LUC7L2: variants seen among roughly 807,000 people sequenced by gnomAD.
LUC7L2 encodes putative RNA-binding protein Luc7-like 2.
LUC7L2 carries 25 observed loss-of-function variants against 52.8 expected under a neutral mutation model. The observed-to-expected ratio is 0.47, with a 90% CI of 0.34 to 0.66. LUC7L2 has a LOEUF of 0.66. Among genes scored for constraint, LUC7L2 ranks in the 30% least tolerant of loss-of-function variants. The probability of loss-of-function intolerance (pLI) is 0.01; values close to 1 mark genes in which losing one functional copy is unlikely to be tolerated. For missense variants in LUC7L2, 328 were observed against 497.8 expected (o/e 0.66, Z 3.25); for synonymous variants, 144 against 160.9 (o/e 0.89, Z 0.80).
At position 139,407,225 on chromosome 7, in the gene LUC7L2, C is replaced by A; in HGVS notation, c.562C>A (p.Arg188=). The change falls in exon 6 of 10, where the codon CGA becomes AGA. Residue 188 remains arginine, a synonymous_variant. Transcript: ENST00000354926. ...TTCCAGTTTTCAGCAGCAGAAACTT[C>A]GAGTCTGTGAAGTCTGCTCTGCCTA... ...PASSFQQQKL[R]VCEVCSAYLG... is the part of the protein sequence containing the mutation. The A allele has an allele frequency of 6.2e-7, 1 of 1,611,962 alleles. No individual in the cohort carries two copies. Among genetic ancestry groups the A allele is most frequent in the Non-Finnish European group, 8.5e-7 (1 of 1,178,768 alleles).
chr7:139,421,521 A>C (rs1471778286), intron 9 of LUC7L2, among the ~76,000 whole-genome samples: 1 of 152,232 alleles, frequency 6.6e-6, no homozygotes, highest in Non-Finnish European at 1.5e-5. Flanking sequence ...TAGTGTGAGC[A>C]TCTTTGTCTT....
intron 1 of LUC7L2, chr7:139,346,463 C>T (rs1426552584): frequency 1.3e-5 from 2 of 152,100 alleles, no homozygotes; most frequent in African/African-American, 4.8e-5. Context: ...TGATGTGTTA[C>T]AGTCCTGGCA....
upstream of LUC7L2, among the ~76,000 whole-genome samples, chr7:139,357,695 A>T (rs892367981): frequency 2.8e-5 from 4 of 143,940 alleles, no homozygotes; most frequent in Non-Finnish European, 6.1e-5. Flanking sequence ...ATTCAAAATA[A>T]TTTTTTTTTT....
chr7:139,397,987 C>G (rs927876469), intron 2 of LUC7L2, among the ~76,000 whole-genome samples: 6 of 152,108 alleles, frequency 3.9e-5, no homozygotes, highest in Non-Finnish European at 8.8e-5. Flanking sequence ...ATATCAAAGT[C>G]AACAGTCTTG....
chr7:139,350,339 T>C (rs1237306742), intron 1 of LUC7L2, among the ~76,000 whole-genome samples: 2 of 152,070 alleles, frequency 1.3e-5, no homozygotes, highest in African/African-American at 4.8e-5. Flanking sequence ...GCCAGGATGG[T>C]CTCCATCTCC....
intron 7 of LUC7L2, among the ~76,000 whole-genome samples, chr7:139,409,989 C>T (rs967304301): frequency 2.6e-5 from 4 of 152,052 alleles, no homozygotes; most frequent in African/African-American, 4.8e-5. Context: ...GGGTGGATCA[C>T]GAGGTCAGGA....
At chr7:139,360,442 C>T (rs1259750863) in intron 1 of LUC7L2, 120 bp downstream of exon 1, 2 of 847,800 alleles carry the variant, frequency 2.4e-6, no homozygotes, top group African/African-American at 3.5e-5. Context: ...AGATTGGTAA[C>T]ACGAGGTCCC....
chr7:139,384,531 C>T (rs1254273397), intron 2 of LUC7L2, among the ~76,000 whole-genome samples: 1 of 152,150 alleles, frequency 6.6e-6, no homozygotes, highest in Admixed American at 6.5e-5. Flanking sequence ...TCAACTATTT[C>T]TAGAGACTGC....
intron 1 of LUC7L2, among the ~76,000 whole-genome samples, chr7:139,372,969 A>G (rs1800528585): frequency 6.6e-6 from 1 of 152,126 alleles, no homozygotes; most frequent in African/African-American, 2.4e-5. Flanking sequence ...TTTTTCCCCC[A>G]TAATAGGTTA....
At chr7:139,341,040 A>AC (rs904610682) in intron 1 of LUC7L2, 2 of 226,372 alleles carry the variant, frequency 8.8e-6, no homozygotes, top group South Asian at 1.1e-4. Flanking sequence ...CCACACCCAC[A>AC]CCCCCCGCCG....
chr7:139,380,023 C>T lies in LUC7L2; in HGVS notation c.156+3867C>T, dbSNP rs532389308. Among the ~76,000 whole-genome samples the T allele has an allele frequency of 6.6e-5, 10 of 150,808 alleles. No homozygotes were observed. The South Asian group carries it at 2.1e-3, about 32-fold the overall frequency. ...TGAAACCCCATCTCTACTGAAAATA[C>T]AAAAAATTAGCCGGGCGTAGTGGCC... On this transcript the variant is annotated intron_variant, in intron 2 of 9. Coordinates refer to ENST00000354926, the MANE Select transcript of LUC7L2 (RefSeq NM_016019.5).
upstream of LUC7L2, chr7:139,359,317 CTAGG>C (rs1799729016): frequency 6.5e-6 from 1 of 153,432 alleles, no homozygotes. Flanking sequence ...CGCCTGTTTC[CTAGG>C]GTACTGCTTT....
chr7:139,418,775 TAAGA>T (rs1015210184), intron 9 of LUC7L2, among the ~76,000 whole-genome samples: 4 of 152,200 alleles, frequency 2.6e-5, no homozygotes, highest in Non-Finnish European at 5.9e-5. Context: ...TAGTAAAACA[TAAGA>T]AAGACGTATA....
At chr7:139,413,140 C>T (rs1038955324) in intron 8 of LUC7L2, among the ~76,000 whole-genome samples, 5 of 152,170 alleles carry the variant, frequency 3.3e-5, no homozygotes, top group Non-Finnish European at 7.4e-5. Context: ...CTTAAAAGAG[C>T]AAGACAATAC....
chr7:139,364,672 T>C (rs577270539), intron 1 of LUC7L2, among the ~76,000 whole-genome samples: 1 of 152,374 alleles, frequency 6.6e-6, no homozygotes, highest in African/African-American at 2.4e-5. Context: ...TTGTTGCTAA[T>C]GTAAGGTTAG....
rs532612107 is a variant in LUC7L2, at chr7:139,349,431, C to T, written c.-26+8914C>T. ...CGCACCATCAATAATCAGCTGAAGT[C>T]GGTGTTAGAAAGAATTGATTCTAGA... On this transcript the variant is annotated intron_variant, in intron 1 of 10. Transcript: ENST00000541170. Among the ~76,000 whole-genome samples the T allele has an allele frequency of 4.9e-4, 75 of 152,168 alleles. 1 individual carries two copies. The highest frequency in any genetic ancestry group is 1.6e-3 in the African/African-American group (67 of 41,510).
At chr7:139,418,229 A>ATCT (rs1569397174) in intron 9 of LUC7L2, among the ~76,000 whole-genome samples, 1 of 151,628 alleles carries the variant, frequency 6.6e-6, no homozygotes, top group African/African-American at 2.4e-5. Flanking sequence ...AGGCAGACTA[A>ATCT]TAAGGAGGTT....
intron 2 of LUC7L2, among the ~76,000 whole-genome samples, chr7:139,389,818 G>T (rs1043610139): frequency 6.6e-6 from 1 of 152,134 alleles, no homozygotes; most frequent in Non-Finnish European, 1.5e-5. Flanking sequence ...ATATCCCATT[G>T]CAATCAATAT....
rs899698492 is a variant in LUC7L2, at chr7:139,402,926, A to T, written c.366+679A>T. On this transcript the variant is annotated intron_variant, in intron 4 of 9. Coordinates refer to ENST00000354926, the MANE Select transcript of LUC7L2 (RefSeq NM_016019.5). ...CTCATGTTACCCCTTTTATAGCTACATCCATCTTTACCCCCACCCAGCATC... is the reference window on the plus strand; with the variant it reads ...CTCATGTTACCCCTTTTATAGCTACTTCCATCTTTACCCCCACCCAGCATC... 3.3e-5 allele frequency among the ~76,000 whole-genome samples: 5 copies of T among 152,134 alleles called. 1 individual carries two copies. Among genetic ancestry groups the T allele is most frequent in the Non-Finnish European group, 7.4e-5 (5 of 68,024 alleles).
Sources: allele counts gnomAD v4.1 joint callset (sites outside exome capture counted in the v4.1 genomes callset), GRCh38; gene constraint gnomAD v4.1.1; transcripts MANE v1.5; gene names NCBI Gene and HGNC (gene_info 2026-07-23, HGNC 2026-07-21).